Variants in MIGA1 observed in about 807,000 individuals in gnomAD.
MIGA1 encodes mitoguardin 1.
A neutral mutation model predicts 82.0 loss-of-function variants in MIGA1; 58 were observed. The ratio of observed to expected loss-of-function variants is 0.71; its 90% CI spans 0.57 to 0.88. The LOEUF is 0.88. Ranked by LOEUF, MIGA1 falls within the 40% of genes least tolerant of loss-of-function variation. The pLI, the probability that MIGA1 is intolerant of heterozygous loss-of-function variation, is 0.00. For synonymous variants in MIGA1, 249 were observed against 253.6 expected (o/e 0.98, Z 0.17); for missense variants, 751 against 749.1 (o/e 1.00, Z -0.03).
rs67081783 is a variant in MIGA1 at position 77,866,685 on chromosome 1, A to AT, written c.1563+312dup. On this transcript the variant is annotated intron_variant, in intron 14 of 15. Coordinates refer to ENST00000370791, the MANE Select transcript of MIGA1 (RefSeq NM_198549.4). ...TTTGTTTTTTCTCTTAATGATATTA[A>AT]TTTTTTTTTTTTTTTTTTGAGACAG... is the stretch of plus-strand genomic sequence containing the variant. 4.6e-3 allele frequency among the ~76,000 whole-genome samples: 588 copies of AT among 129,128 alleles called. 8 individuals are homozygous for AT. The highest frequency in any genetic ancestry group is 0.011 in the African/African-American group (350 of 32,890). 84.7% of individuals were successfully genotyped at this position (129,128 alleles called of 152,430 possible).
chr1:77,876,984 CACAAAAGGA>C lies in MIGA1; in HGVS notation c.*1921_*1929del, dbSNP rs1646898517. 6.6e-6 allele frequency: 1 copy of C among 152,040 alleles called. No homozygotes were observed. Among genetic ancestry groups the C allele is most frequent in the Non-Finnish European group, 1.5e-5 (1 of 68,024 alleles). The allele number at this position is 152,040 out of a possible 1,614,324, so 9.4% of individuals were successfully genotyped here. ...CTTTAGTCATTTTAGGAGTGAGTTG[CACAAAAGGA>C]CCTAAAATGCATTGTTTTTTGCCTT... On this transcript the variant is annotated 3_prime_UTR_variant, in exon 16 of 16. Transcript: ENST00000370791.
At chr1:77,839,243 C>T (rs1251905079) in intron 7 of MIGA1, among the ~76,000 whole-genome samples, 1 of 151,102 alleles carries the variant, frequency 6.6e-6, no homozygotes, top group Non-Finnish European at 1.5e-5. Context: ...TAATAATAAC[C>T]ATTTTCCACC....
chr1:77,863,783 T>C (rs1685558874), intron 12 of MIGA1, 111 bp from the exon 13 acceptor site: 2 of 711,292 alleles, frequency 2.8e-6, no homozygotes, highest in Non-Finnish European at 4.3e-6. Flanking sequence ...TATTTTTGAA[T>C]AAGCTGATTA....
At chr1:77,850,060 G>A (rs1227871553) in intron 8 of MIGA1, among the ~76,000 whole-genome samples, 2 of 151,108 alleles carry the variant, frequency 1.3e-5, no homozygotes, top group Non-Finnish European at 1.5e-5. Context: ...AAAGTATGAA[G>A]GCTTGACTGG....
intron 5 of MIGA1, chr1:77,811,364 C>G (rs551389421): frequency 5.6e-6 from 9 of 1,607,178 alleles, no homozygotes; most frequent in African/African-American, 1.3e-5. Flanking sequence ...CCTGCTCCAG[C>G]ACCACCCTCT....
At chr1:77,842,818 A>T (rs1415430837) in intron 7 of MIGA1, among the ~76,000 whole-genome samples, 1 of 152,224 alleles carries the variant, frequency 6.6e-6, no homozygotes, top group Non-Finnish European at 1.5e-5. Context: ...CTGGGATTAC[A>T]GGTGTGAGCC....
At chr1:77,851,604 G>T (rs750098205) in intron 8 of MIGA1, among the ~76,000 whole-genome samples, 9 of 152,128 alleles carry the variant, frequency 5.9e-5, no homozygotes, top group African/African-American at 1.2e-4. Flanking sequence ...TAAGATTAAT[G>T]ATTTAAATAA....
At chr1:77,874,703 G>A (rs577995912) in intron 15 of MIGA1, 143 bp from the exon 16 acceptor site, 113 of 631,762 alleles carry the variant, frequency 1.8e-4, no homozygotes, top group Non-Finnish European at 2.8e-4. Context: ...ACTTGTGCAA[G>A]GTCCCTTTTC....
intron 2 of MIGA1, among the ~76,000 whole-genome samples, chr1:77,784,709 C>T (rs564051669): frequency 1.5e-4 from 23 of 152,194 alleles, no homozygotes; most frequent in Admixed American, 4.6e-4. Context: ...TATATTAGTC[C>T]GTTTTCATGC....
intron 1 of MIGA1, chr1:77,780,234 G>T: frequency 1.0e-6 from 1 of 958,280 alleles, no homozygotes; most frequent in Non-Finnish European, 1.2e-6. Context: ...TTGGATGCGG[G>T]TGGTTTTGAG....
chr1:77,847,539 G>T, intron 8 of MIGA1: 1 of 1,467,384 alleles, frequency 6.8e-7, no homozygotes, highest in East Asian at 2.3e-5. Context: ...AATGGAAAAG[G>T]GAGAGTTTGA....
At chr1:77,785,531 T>C (rs1682119747) in intron 2 of MIGA1, among the ~76,000 whole-genome samples, 1 of 152,100 alleles carries the variant, frequency 6.6e-6, no homozygotes, top group African/African-American at 2.4e-5. Context: ...TTAGTAGAGA[T>C]GGGGTTTCTC....
intron 7 of MIGA1, among the ~76,000 whole-genome samples, chr1:77,836,116 A>G (rs1251741758): frequency 6.6e-6 from 1 of 152,212 alleles, no homozygotes; most frequent in Admixed American, 6.5e-5. Flanking sequence ...TTTAGTTTAC[A>G]TGAACAAATA....
chr1:77,825,464 G>A (rs896880307), intron 7 of MIGA1, among the ~76,000 whole-genome samples: 3 of 152,168 alleles, frequency 2.0e-5, no homozygotes, highest in African/African-American at 7.2e-5. Flanking sequence ...AGGGCAGCAC[G>A]TTTTATCTAC....
chr1:77,789,807 C>G (rs1202827502), intron 2 of MIGA1, among the ~76,000 whole-genome samples: 1 of 151,662 alleles, frequency 6.6e-6, no homozygotes, highest in Non-Finnish European at 1.5e-5. Flanking sequence ...TGCTCCATAC[C>G]TAGAATCAAC....
In MIGA1 at chr1:77,793,943, C is replaced by T. The variant is rs1056739243; in HGVS notation, c.196-7388C>T. On this transcript the variant is annotated intron_variant, in intron 2 of 15. Transcript: ENST00000370791. ...TTGGGATTACAGGTGAGCACCACCG[C>T]ACCTGGCTAATTTTTTATTATTTTT... Among the ~76,000 whole-genome samples the T allele has an allele frequency of 9.9e-5, 15 of 151,550 alleles. No individual in the cohort carries two copies. In the East Asian group the frequency reaches 2.5e-3, roughly 26 times the overall value.
chr1:77,843,175 C>T, intron 7 of MIGA1, 132 bp from the exon 8 acceptor site: 1 of 555,774 alleles, frequency 1.8e-6, no homozygotes, highest in South Asian at 2.8e-5. Context: ...ACAATGGATA[C>T]TTACTGTTTT....
intron 7 of MIGA1, among the ~76,000 whole-genome samples, chr1:77,831,661 A>G (rs1436301231): frequency 6.6e-6 from 1 of 152,206 alleles, no homozygotes; most frequent in Admixed American, 6.5e-5. Flanking sequence ...TTACTGTCAT[A>G]TCATGACGAA....
rs565738894 is a variant in MIGA1, at chr1:77,815,177, G to A, written c.841G>A (p.Glu281Lys). 1 of 1,609,402 alleles carries A rather than the reference G, an allele frequency of 6.2e-7. No individual in the cohort carries two copies. The highest frequency in any genetic ancestry group is 1.1e-5 in the South Asian group (1 of 90,456). ...GCAAAGAGCCTATCGTCTCCAAGAG[G>A]AGTTTGAAGCTACCCTTGGGGCATC... Residue 281 changes from glutamate to lysine, a missense_variant, in exon 7 of 16, where the codon GAG becomes AAG. Coordinates refer to ENST00000370791, the MANE Select transcript of MIGA1 (RefSeq NM_198549.4).
Sources: gnomAD v4.1 joint callset for allele counts (sites outside exome capture counted in the v4.1 genomes callset) on GRCh38, gnomAD v4.1.1 for gene constraint, MANE v1.5 for transcripts, NCBI Gene and HGNC (gene_info 2026-07-23, HGNC 2026-07-21) for gene names.